The following GCLC variants were observed in gnomAD, a reference collection of about 807,000 sequenced individuals.
GCLC encodes the protein glutamate--cysteine ligase catalytic subunit.
GCLC carries 30 observed loss-of-function variants against 81.5 expected under a neutral mutation model. The ratio of observed to expected loss-of-function variants is 0.37; its 90% CI spans 0.28 to 0.50. The LOEUF (loss-of-function observed/expected upper bound fraction) is 0.50. GCLC is among the 20% of genes least tolerant of loss of function. The pLI is 0.96. For synonymous variants in GCLC, 262 were observed against 273.3 expected (o/e 0.96, Z 0.41); for missense variants, 556 against 777.4 (o/e 0.72, Z 3.39).
At chr6:53,538,136 CTTTTTTTTTTTTTTTT>C (rs10588842) in intron 1 of GCLC, among the ~76,000 whole-genome samples, 4 of 78,904 alleles carry the variant, frequency 5.1e-5, no homozygotes, top group South Asian at 5.1e-4. Flanking sequence ...TTTTTCTTTC[CTTTTTTTTTTTTTTTT>C]TTTTTTTTTT....
chr6:53,544,253 T>C (rs1162574304), intron 1 of GCLC, among the ~76,000 whole-genome samples: 2 of 152,050 alleles, frequency 1.3e-5, no homozygotes, highest in African/African-American at 4.8e-5. Context: ...TCCGTGTTTA[T>C]GGAATGAAGG....
At chr6:53,505,609 T>A (rs1473842425) in intron 11 of GCLC, 113 bp from the exon 12 acceptor site, 2 of 759,264 alleles carry the variant, frequency 2.6e-6, no homozygotes, top group East Asian at 2.7e-5. Flanking sequence ...TAATTCCCCA[T>A]CTGGGTCTGG....
Position 53,520,760 on chromosome 6 carries a change from G to A in GCLC, c.446+18C>T. On this transcript the variant is annotated intron_variant, in intron 3 of 15. Transcript: ENST00000650454. Reference sequence around the variant, plus strand: ...ATCTCTGAGAGATCTGCTGGGGCATGTTAATATAGGAACTAACCTGGGAAA... The same window carrying A: ...ATCTCTGAGAGATCTGCTGGGGCATATTAATATAGGAACTAACCTGGGAAA... 6.2e-7 allele frequency: 1 copy of A among 1,605,846 alleles called. No homozygotes were observed. Among genetic ancestry groups the A allele is most frequent in the Non-Finnish European group, 8.5e-7 (1 of 1,172,384 alleles).
intron 1 of GCLC, 32 bp downstream of exon 1, chr6:53,544,464 G>A: frequency 6.2e-7 from 1 of 1,601,246 alleles, no homozygotes; most frequent in Non-Finnish European, 8.5e-7. Context: ...AGACACGGGT[G>A]CCCGGCGGGG....
At chr6:53,531,526 G>C (rs1034242403) in intron 1 of GCLC, among the ~76,000 whole-genome samples, 1 of 152,156 alleles carries the variant, frequency 6.6e-6, no homozygotes, top group Non-Finnish European at 1.5e-5. Context: ...AAGAGCATTA[G>C]GACCAATCTT....
intron 6 of GCLC, among the ~76,000 whole-genome samples, chr6:53,512,030 C>G (rs1251344826): frequency 1.3e-5 from 2 of 150,400 alleles, no homozygotes; most frequent in African/African-American, 4.9e-5. Context: ...CTCACTGCAA[C>G]CTCCGCCTCC....
chr6:53,526,786 A>C (rs184980480), intron 1 of GCLC, among the ~76,000 whole-genome samples: 9 of 132,902 alleles, frequency 6.8e-5, no homozygotes, highest in Admixed American at 2.4e-4. Context: ...TGACAGAGCA[A>C]GACTCCGCCT....
At chr6:53,514,015 GAACTATT>G in intron 6 of GCLC, 182 bp downstream of exon 6, 2 of 623,450 alleles carry the variant, frequency 3.2e-6, no homozygotes, top group Non-Finnish European at 5.7e-6. Context: ...AGAGTCTGTA[GAACTATT>G]AGTCATAGAC....
chr6:53,508,851 A>G (rs1764675399), intron 7 of GCLC, 140 bp from the exon 8 acceptor site: 1 of 706,272 alleles, frequency 1.4e-6, no homozygotes, highest in Non-Finnish European at 2.6e-6. Flanking sequence ...CCTATCTTAC[A>G]GTGAAATATA....
intron 1 of GCLC, among the ~76,000 whole-genome samples, chr6:53,538,200 G>A (rs1763290384): frequency 7.7e-6 from 1 of 130,528 alleles, no homozygotes; most frequent in African/African-American, 2.9e-5. Flanking sequence ...CCAGGCCAAA[G>A]TGCAGTAGTG....
In GCLC at chr6:53,506,712, C is replaced by A. The variant is rs1194862177; in HGVS notation, c.1197+201G>T. 3 of 559,386 alleles carry A rather than the reference C, an allele frequency of 5.4e-6. No individual in the cohort carries two copies. Among genetic ancestry groups the A allele is most frequent in the Non-Finnish European group, 9.6e-6 (3 of 312,238 alleles). 34.7% of individuals were successfully genotyped at this position (559,386 alleles called of 1,614,324 possible). ...CAGTAAGAATCGTAAAATAAGAGTA[C>A]TTGAAACCGATTTTTTATTTGTCCA... is the stretch of plus-strand genomic sequence containing the variant. On this transcript the variant is annotated intron_variant, in intron 10 of 15. Transcript: ENST00000650454. The surrounding 1 kb of genome is among the most constrained non-coding windows in gnomAD (Gnocchi z 4.0).
chr6:53,533,090 T>C (rs1163141715), intron 1 of GCLC, among the ~76,000 whole-genome samples: 3 of 152,226 alleles, frequency 2.0e-5, no homozygotes, highest in African/African-American at 7.2e-5. Flanking sequence ...TTTTAAACCA[T>C]GTCTGAGAAA....
chr6:53,508,466 C>T (rs1423584829), intron 8 of GCLC, 129 bp downstream of exon 8: 5 of 760,984 alleles, frequency 6.6e-6, no homozygotes, highest in Non-Finnish European at 1.2e-5. Flanking sequence ...TAACTCCCCA[C>T]CTAGACCAAA....
intron 6 of GCLC, among the ~76,000 whole-genome samples, chr6:53,510,965 C>A (rs1001670935): frequency 6.6e-6 from 1 of 152,228 alleles, no homozygotes; most frequent in East Asian, 1.9e-4. Flanking sequence ...GATAACCAAA[C>A]CAAGGGCAGT....
In GCLC at chr6:53,506,579, A is replaced by T; in HGVS notation, c.1197+334T>A. ...AAGGTGATATGTCTGAAGCACTGAA[A>T]TAACTGATCAGGTTATTTTTTGTGC... On this transcript the variant is annotated intron_variant, in intron 10 of 15. Transcript: ENST00000650454. This position sits in a 1 kb window ranked among gnomAD's most constrained non-coding sequence, Gnocchi z 4.0. 3.3e-6 allele frequency: 1 copy of T among 305,452 alleles called. No homozygotes were observed. The allele number at this position is 305,452 out of a possible 1,614,324, so 18.9% of individuals were successfully genotyped here.
chr6:53,516,062 G>C (rs1241490815), intron 4 of GCLC, 47 bp downstream of exon 4: 17 of 1,053,914 alleles, frequency 1.6e-5, no homozygotes, highest in Non-Finnish European at 2.5e-5. Flanking sequence ...TCAGAAGTCA[G>C]GGGTCTAGTG....
chr6:53,507,535 A>G lies in GCLC; in HGVS notation c.1029T>C (p.Tyr343=), dbSNP rs150033497. Residue 343 remains tyrosine (Y), a synonymous_variant, in exon 9 of 16, where the codon TAT becomes TAC. Coordinates refer to ENST00000650454, the MANE Select transcript of GCLC (RefSeq NM_001498.4). ...TATCTATCGTCAAGTCGATGTCATT[A>G]TATTTCTCACCACACTTAGATAAAT... ...DSYLSKCGEK[Y]NDIDLTIDKE... is the part of the protein sequence containing the mutation. The G allele has an allele frequency of 3.1e-6, 5 of 1,601,642 alleles. No homozygotes were observed. In the South Asian group the frequency reaches 4.4e-5, roughly 14 times the overall value.
chr6:53,536,630 C>T (rs1206487298), intron 1 of GCLC, among the ~76,000 whole-genome samples: 1 of 152,162 alleles, frequency 6.6e-6, no homozygotes. Context: ...GATGCCTTGA[C>T]AGTATGTAAA....
chr6:53,516,234 T>G lies in GCLC; in HGVS notation c.447-12A>C, dbSNP rs17883033. 151 of 1,492,874 alleles carry G rather than the reference T, an allele frequency of 1.0e-4. No individual in the cohort carries two copies. The East Asian group carries it at 2.7e-3, about 26-fold the overall frequency. 92.5% of individuals were successfully genotyped at this position (1,492,874 alleles called of 1,614,324 possible). ...CAGGACAGCCTAATCTACAACAAAT[T>G]GAAGAACTAAATAGATGGGATTTGT... On this transcript the variant is annotated splice_polypyrimidine_tract_variant and intron_variant, in intron 3 of 15. Coordinates refer to ENST00000650454, the MANE Select transcript of GCLC (RefSeq NM_001498.4).
Sources: gnomAD v4.1 joint callset for allele counts (sites outside exome capture counted in the v4.1 genomes callset) on GRCh38, gnomAD v4.1.1 for gene constraint, Gnocchi (gnomAD v3.1) non-coding constraint, MANE v1.5 for transcripts, NCBI Gene and HGNC (gene_info 2026-07-23, HGNC 2026-07-21) for gene names.